Variants in EBF1 observed in about 807,000 individuals in gnomAD.
The protein encoded by EBF1 is transcription factor COE1.
Under a neutral mutation model 68.4 loss-of-function variants are expected in EBF1, and 10 were observed. The ratio of observed to expected loss-of-function variants is 0.15; its 90% confidence interval spans 0.09 to 0.25. EBF1 has a LOEUF of 0.25. Ranked by LOEUF, EBF1 falls within the 10% of genes least tolerant of loss-of-function variation. The pLI is 1.00. For synonymous variants in EBF1, 298 were observed against 299.8 expected, an observed-to-expected ratio of 0.99 and a Z score of 0.06; for missense variants, 509 against 794.4, an observed-to-expected ratio of 0.64 and a Z score of 4.32.
At chr5:159,012,103 A>G (rs1002413909) in intron 6 of EBF1, among the ~76,000 whole-genome samples, 4 of 152,134 alleles carry the variant, frequency 2.6e-5, no homozygotes, top group Non-Finnish European at 2.9e-5. Context: ...CCTGGCCAAC[A>G]TGGTGAAACC....
intron 6 of EBF1, among the ~76,000 whole-genome samples, chr5:158,888,086 G>A (rs1800400200): frequency 6.6e-6 from 1 of 152,174 alleles, no homozygotes; most frequent in Non-Finnish European, 1.5e-5. Context: ...CTCGGCAGAA[G>A]TCACATCCTT....
intron 10 of EBF1, among the ~76,000 whole-genome samples, chr5:158,759,763 G>A (rs1306501779): frequency 6.6e-6 from 1 of 151,832 alleles, no homozygotes; most frequent in Non-Finnish European, 1.5e-5. Context: ...TATCTTCTCT[G>A]CCTCCTTGTG....
intron 6 of EBF1, among the ~76,000 whole-genome samples, chr5:158,957,704 T>C (rs1044797221): frequency 6.6e-6 from 1 of 152,236 alleles, no homozygotes; most frequent in Non-Finnish European, 1.5e-5. Flanking sequence ...AAAATCTCCA[T>C]TTCCCTTTGT....
chr5:159,041,449 C>T (rs916336827), intron 6 of EBF1, among the ~76,000 whole-genome samples: 1 of 152,054 alleles, frequency 6.6e-6, no homozygotes, highest in Admixed American at 6.5e-5. Context: ...AACAGCCTGT[C>T]GCGTATGGAT....
chr5:158,747,977 T>C (rs994345288), intron 10 of EBF1, among the ~76,000 whole-genome samples: 8 of 152,204 alleles, frequency 5.3e-5, no homozygotes, highest in Non-Finnish European at 1.0e-4. Flanking sequence ...TTCTCTGTGA[T>C]GGACTGCCCC....
chr5:158,936,228 T>C (rs58438331), intron 6 of EBF1, among the ~76,000 whole-genome samples: 1 of 152,306 alleles, frequency 6.6e-6, no homozygotes, highest in East Asian at 1.9e-4. Flanking sequence ...TTGTGAACCA[T>C]ATTTCCTGCC....
intron 15 of EBF1, among the ~76,000 whole-genome samples, chr5:158,705,724 C>T (rs968071118): frequency 2.0e-5 from 3 of 152,154 alleles, no homozygotes; most frequent in Non-Finnish European, 4.4e-5. Flanking sequence ...GAGCCCAGCC[C>T]CTGTTTCCAA....
chr5:159,058,014 G>A (rs556711975), intron 6 of EBF1, among the ~76,000 whole-genome samples: 2 of 152,290 alleles, frequency 1.3e-5, no homozygotes, highest in Admixed American at 1.3e-4. Context: ...CCTAAGTTTT[G>A]TATGTCTTGG....
At chr5:158,702,327 G>A (rs1227499896) in intron 15 of EBF1, among the ~76,000 whole-genome samples, 1 of 152,086 alleles carries the variant, frequency 6.6e-6, no homozygotes, top group Non-Finnish European at 1.5e-5. Flanking sequence ...CCATTGGCAT[G>A]CTAACTTGCC....
At chr5:158,996,431 G>T (rs1360891385) in intron 6 of EBF1, among the ~76,000 whole-genome samples, 2 of 152,154 alleles carry the variant, frequency 1.3e-5, no homozygotes, top group Non-Finnish European at 2.9e-5. Context: ...TTGGACAGTT[G>T]TGATTTCTGT....
At chr5:159,004,476 T>G (rs1763166526) in intron 6 of EBF1, among the ~76,000 whole-genome samples, 1 of 151,980 alleles carries the variant, frequency 6.6e-6, no homozygotes, top group African/African-American at 2.4e-5. Context: ...AGAATTCGGG[T>G]CTTTCCAGAA....
chr5:158,950,263 A>G (rs1815681346), intron 6 of EBF1, among the ~76,000 whole-genome samples: 2 of 152,246 alleles, frequency 1.3e-5, no homozygotes, highest in Admixed American at 1.3e-4. Flanking sequence ...TAACAACATC[A>G]TTCATTAATC....
chr5:158,866,857 A>ATATG (rs1562162795), intron 6 of EBF1, among the ~76,000 whole-genome samples: 27 of 19,634 alleles, frequency 1.4e-3, no homozygotes, highest in South Asian at 4.4e-3. Flanking sequence ...ATATATATAT[A>ATATG]TATATATATA....
chr5:158,856,064 A>C (rs1035680667), intron 6 of EBF1, among the ~76,000 whole-genome samples: 3 of 152,344 alleles, frequency 2.0e-5, no homozygotes, highest in Admixed American at 1.3e-4. Context: ...AGAAAAGAAG[A>C]AGCTACAGGC....
At chr5:158,828,822 G>C (rs191125417) in intron 7 of EBF1, among the ~76,000 whole-genome samples, 2 of 152,174 alleles carry the variant, frequency 1.3e-5, no homozygotes, top group East Asian at 3.9e-4. Context: ...AAACAAACTG[G>C]TAATCCATAT....
chr5:158,948,069 T>C (rs1022369553), intron 6 of EBF1, among the ~76,000 whole-genome samples: 1 of 152,234 alleles, frequency 6.6e-6, no homozygotes, highest in Non-Finnish European at 1.5e-5. Flanking sequence ...CTAAGAACTA[T>C]TCTGGAAGCA....
At chr5:158,942,699 G>A (rs777162606) in intron 6 of EBF1, among the ~76,000 whole-genome samples, 2 of 151,988 alleles carry the variant, frequency 1.3e-5, no homozygotes, top group Non-Finnish European at 1.5e-5. Flanking sequence ...GTTCCAGCCC[G>A]TGGGGTTTAA....
chr5:158,811,434 C>A (rs1782643796), intron 8 of EBF1, among the ~76,000 whole-genome samples: 1 of 152,060 alleles, frequency 6.6e-6, no homozygotes, highest in African/African-American at 2.4e-5. Context: ...TGGTGAGGAC[C>A]CCTGTGTCAA....
chr5:158,982,779 G>GATAT (rs147552835), intron 6 of EBF1, among the ~76,000 whole-genome samples: 13 of 132,384 alleles, frequency 9.8e-5, no homozygotes, highest in African/African-American at 3.5e-4. Flanking sequence ...TAAAGCAAAA[G>GATAT]ATATATATAT....
Sources: gnomAD v4.1 joint callset for allele counts (sites outside exome capture counted in the v4.1 genomes callset) on GRCh38, gnomAD v4.1.1 for gene constraint, MANE v1.5 for transcripts, NCBI Gene and HGNC (gene_info 2026-07-23, HGNC 2026-07-21) for gene names.